The following DEAF1 variants were observed in gnomAD, a reference collection of about 807,000 sequenced individuals.
The protein encoded by DEAF1 is DEAF1 transcription factor.
DEAF1 carries 53 observed loss-of-function variants against 58.9 expected under a neutral mutation model. The observed-to-expected ratio is 0.90, with a 90% CI of 0.72 to 1.13. DEAF1 has a LOEUF of 1.13. Among genes scored for constraint, DEAF1 ranks in the 50% most tolerant of loss-of-function variants. DEAF1 has a pLI of 0.00. For synonymous variants in DEAF1, 385 were observed against 340.4 expected (o/e 1.13, Z -1.44); for missense variants, 685 against 791.4 (o/e 0.87, Z 1.61).
chr11:689,381 A>T (rs541722417), intron 2 of DEAF1, among the ~76,000 whole-genome samples: 17 of 145,398 alleles, frequency 1.2e-4, no homozygotes, highest in Admixed American at 4.8e-4. Context: ...AATTTTTTGC[A>T]TTTTTTTTTT....
intron 10 of DEAF1, among the ~76,000 whole-genome samples, chr11:670,156 G>A (rs532620421): frequency 2.0e-5 from 3 of 151,852 alleles, no homozygotes; most frequent in African/African-American, 7.2e-5. Flanking sequence ...TGGTGCTTCT[G>A]CAGGGATTGA....
At chr11:700,526 C>CAAA (rs34654075) in intron 1 of DEAF1, 502 of 900,138 alleles carry the variant, frequency 5.6e-4, no homozygotes, top group Non-Finnish European at 7.7e-4. Context: ...GACCCTGTCT[C>CAAA]AAAAAAAAAA....
chr11:687,132 T>C (rs1386237752), intron 4 of DEAF1, 135 bp from the exon 5 acceptor site: 3 of 1,335,096 alleles, frequency 2.2e-6, no homozygotes, highest in African/African-American at 1.4e-5. Flanking sequence ...CCCACCCACA[T>C]ACTTGGCCCT....
In DEAF1 at chr11:680,625, T is replaced by A. The variant is rs535917362; in HGVS notation, c.997+338A>T. On this transcript the variant is annotated intron_variant, in intron 7 of 11. Transcript: ENST00000382409. ...CCCACAGAGCTCTCCGCAGCCCTCG[T>A]CCAGCGCACTGAGAATCCCTCACCA... Among the ~76,000 whole-genome samples the A allele has an allele frequency of 1.3e-3, 196 of 152,158 alleles. 2 individuals carry two copies. The highest frequency in any genetic ancestry group is 2.1e-3 in the Non-Finnish European group (143 of 67,976).
intron 6 of DEAF1, among the ~76,000 whole-genome samples, chr11:684,413 G>A (rs1417410977): frequency 2.0e-5 from 3 of 149,852 alleles, no homozygotes; most frequent in East Asian, 1.9e-4. Flanking sequence ...ATGAGACTTC[G>A]TCTCAGAAAA....
chr11:644,535 G>T lies in DEAF1; in HGVS notation c.*15C>A. The stretch of plus-strand genomic sequence containing the variant: ...AGTGCGAGGGGCCCCAGCTCCCAGG[G>T]CGGCCGATGGAGCCTCACACGGTCA... On this transcript the variant is annotated 3_prime_UTR_variant, in exon 12 of 12. Coordinates refer to ENST00000382409, the MANE Select transcript of DEAF1 (RefSeq NM_021008.4). The surrounding 1 kb of genome is among the most constrained non-coding windows in gnomAD (Gnocchi z 4.3). 1 of 1,608,428 alleles carries T rather than the reference G, an allele frequency of 6.2e-7. No homozygotes were observed. Among genetic ancestry groups the T allele is most frequent in the Middle Eastern group, 1.7e-4 (1 of 5,842 alleles).
intron 10 of DEAF1, among the ~76,000 whole-genome samples, chr11:665,703 GGA>G (rs1169848389): frequency 1.3e-5 from 2 of 152,210 alleles, no homozygotes; most frequent in Non-Finnish European, 2.9e-5. Flanking sequence ...AATGAGCAGG[GGA>G]GAGAGGCAGC....
chr11:645,850 G>A (rs1858468018), intron 11 of DEAF1, among the ~76,000 whole-genome samples: 1 of 152,236 alleles, frequency 6.6e-6, no homozygotes, highest in Non-Finnish European at 1.5e-5. Flanking sequence ...GCAGCTCCGT[G>A]CACGGGGGCG....
chr11:662,913 C>T (rs879579589), intron 10 of DEAF1, among the ~76,000 whole-genome samples: 20 of 152,194 alleles, frequency 1.3e-4, no homozygotes, highest in Non-Finnish European at 2.4e-4. Context: ...TATCCTCCAG[C>T]CAACTGACCC....
At position 644,518 on chromosome 11, in the gene DEAF1, G is replaced by A. The variant is rs955197890; in HGVS notation, c.*32C>T. ...TGCAAAAGCCTCACAGGAGTGCGAG[G>A]GGCCCCAGCTCCCAGGGCGGCCGAT... On this transcript the variant is annotated 3_prime_UTR_variant, in exon 12 of 12. Transcript: ENST00000382409. The surrounding 1 kb of genome is among the most constrained non-coding windows in gnomAD (Gnocchi z 4.3). 15 of 1,587,116 alleles carry A rather than the reference G, an allele frequency of 9.5e-6. No individual in the cohort carries two copies. The Admixed American group carries it at 1.3e-4, about 14-fold the overall frequency.
At chr11:651,781 G>A (rs987123361) in intron 11 of DEAF1, among the ~76,000 whole-genome samples, 2 of 152,224 alleles carry the variant, frequency 1.3e-5, no homozygotes, top group African/African-American at 4.8e-5. Flanking sequence ...AGCTACTCGG[G>A]AGGCTGAGGC....
At chr11:683,398 C>T (rs1257129295) in intron 6 of DEAF1, among the ~76,000 whole-genome samples, 1 of 152,152 alleles carries the variant, frequency 6.6e-6, no homozygotes, top group Non-Finnish European at 1.5e-5. Context: ...GATGAACGTC[C>T]TGTCACTCCA....
At chr11:693,280 C>T (rs1031644954) in intron 1 of DEAF1, among the ~76,000 whole-genome samples, 4 of 152,194 alleles carry the variant, frequency 2.6e-5, no homozygotes, top group Non-Finnish European at 4.4e-5. Context: ...CAAATCCCAA[C>T]GTCAAACCAG....
In DEAF1 at chr11:694,962, G is replaced by GGCCCCC; in HGVS notation, c.85_86insGGGGGC (p.Ala29delinsGlyGlyPro). The GGCCCCC allele has an allele frequency of 9.2e-7, 1 of 1,089,702 alleles. No homozygotes were observed. The allele number at this position is 1,089,702 out of a possible 1,614,324, so 67.5% of individuals were successfully genotyped here. A position where few individuals can be genotyped will look rare whatever the true frequency, so the allele number is the denominator to read the frequency against. On this transcript the variant is annotated protein_altering_variant, in exon 1 of 12. Coordinates refer to ENST00000382409, the MANE Select transcript of DEAF1 (RefSeq NM_021008.4). ...CGCCTCGCCTCCTGCCGCGGCCGCG[G>GGCCCCC]CCGCCGCCGCCACAGCGGCCGCGGC...
At chr11:651,743 G>A (rs1378231063) in intron 11 of DEAF1, among the ~76,000 whole-genome samples, 7 of 152,260 alleles carry the variant, frequency 4.6e-5, no homozygotes, top group African/African-American at 1.7e-4. Context: ...AAAATCAGCC[G>A]GGCGTGGTGG....
chr11:698,989 T>A, upstream of DEAF1: 3 of 1,416,448 alleles, frequency 2.1e-6, no homozygotes, highest in Non-Finnish European at 3.0e-6. Context: ...AAGTTCTGTC[T>A]AGTAATTCCA....
At position 668,233 on chromosome 11, in the gene DEAF1, C is replaced by G. The variant is rs191027573; in HGVS notation, c.1503+6303G>C. ...AACAGAGAATTCATGGCCAACAGACCTATATGAAAAGAAAAGCTGAAAGTA... is the reference window on the plus strand; with the variant it reads ...AACAGAGAATTCATGGCCAACAGACGTATATGAAAAGAAAAGCTGAAAGTA... On this transcript the variant is annotated intron_variant, in intron 10 of 11. Coordinates refer to ENST00000382409, the MANE Select transcript of DEAF1 (RefSeq NM_021008.4). 2.4e-3 allele frequency among the ~76,000 whole-genome samples: 359 copies of G among 152,084 alleles called. 2 individuals carry two copies. Among genetic ancestry groups the G allele is most frequent in the African/African-American group, 7.9e-3 (326 of 41,500 alleles).
At chr11:664,076 G>A (rs1490370442) in intron 10 of DEAF1, among the ~76,000 whole-genome samples, 3 of 152,116 alleles carry the variant, frequency 2.0e-5, no homozygotes, top group Non-Finnish European at 4.4e-5. Context: ...AGCCAGGCGT[G>A]GTGGCACATG....
intron 1 of DEAF1, among the ~76,000 whole-genome samples, chr11:702,343 ATCT>A (rs1564963511): frequency 1.3e-5 from 2 of 152,126 alleles, no homozygotes; most frequent in Non-Finnish European, 2.9e-5. Flanking sequence ...TTCTTGGCTG[ATCT>A]TCTGGGGCCT....
Sources: gnomAD v4.1 joint callset for allele counts (sites outside exome capture counted in the v4.1 genomes callset) on GRCh38, gnomAD v4.1.1 for gene constraint, Gnocchi (gnomAD v3.1) non-coding constraint, MANE v1.5 for transcripts, NCBI Gene and HGNC (gene_info 2026-07-23, HGNC 2026-07-21) for gene names.